Variants in PDSS2 observed in about 807,000 individuals in gnomAD.
PDSS2 encodes all trans-polyprenyl-diphosphate synthase PDSS2.
In PDSS2, 31 loss-of-function variants were observed where a neutral mutation model predicts 44.5. The ratio of observed to expected loss-of-function variants is 0.70; its 90% CI spans 0.52 to 0.94. The LOEUF is 0.94. Among genes scored for constraint, PDSS2 ranks in the 40% least tolerant of loss-of-function variants. The pLI is 0.00. For missense variants in PDSS2, 452 were observed against 482.2 expected (o/e 0.94, Z 0.59); for synonymous variants, 157 against 180.3 (o/e 0.87, Z 1.03).
At chr6:107,387,937 C>A (rs140104668) in intron 1 of PDSS2, among the ~76,000 whole-genome samples, 1,664 of 152,286 alleles carry the variant, frequency 0.011, 23 homozygotes, top group Non-Finnish European at 0.013. Flanking sequence ...AATAAATAAA[C>A]TCTCAAAGAG....
In PDSS2 at chr6:107,265,029, T is replaced by A. The variant is rs116594385; in HGVS notation, c.630+9000A>T. On this transcript the variant is annotated intron_variant, in intron 3 of 7. Transcript: ENST00000369037. ...GAAAACCCAAGCATTAATTTTTAAA[T>A]TCCCTCTTGAATTCAAAATCTTGTT... is the stretch of plus-strand genomic sequence containing the variant. Among the ~76,000 whole-genome samples, 378 of 152,360 alleles carry A rather than the reference T, an allele frequency of 2.5e-3. 3 individuals carry two copies. Among genetic ancestry groups the A allele is most frequent in the African/African-American group, 8.8e-3 (368 of 41,584 alleles).
At chr6:107,177,339 C>T (rs1376077555) in intron 7 of PDSS2, among the ~76,000 whole-genome samples, 1 of 152,068 alleles carries the variant, frequency 6.6e-6, no homozygotes, top group East Asian at 1.9e-4. Context: ...CCATGTTGGT[C>T]AGGCTGGTCT....
Position 107,170,614 on chromosome 6 carries a change from C to A in PDSS2, c.1042-15837G>T, listed in dbSNP as rs1392586198. 4.8e-3 allele frequency among the ~76,000 whole-genome samples: 468 copies of A among 96,504 alleles called. 3 individuals are homozygous for A. The highest frequency in any genetic ancestry group is 0.016 in the African/African-American group (441 of 27,686). 63.3% of individuals were successfully genotyped at this position (96,504 alleles called of 152,430 possible). A position where few individuals can be genotyped will look rare whatever the true frequency, so the allele number is the denominator to read the frequency against. ...TCGGCCATCTTGGAACCACCCCCCCCCCCCCACTTTTTTTTTTCTGAGACA... is the reference window on the plus strand; with the variant it reads ...TCGGCCATCTTGGAACCACCCCCCCACCCCCACTTTTTTTTTTCTGAGACA... On this transcript the variant is annotated intron_variant, in intron 7 of 7. Coordinates refer to ENST00000369037, the MANE Select transcript of PDSS2 (RefSeq NM_020381.4).
intron 2 of PDSS2, among the ~76,000 whole-genome samples, chr6:107,324,758 C>T (rs1777486066): frequency 1.3e-5 from 2 of 152,116 alleles, no homozygotes; most frequent in South Asian, 2.1e-4. Context: ...ATAATTGACC[C>T]TAAATAAATA....
chr6:107,154,257 C>A lies in PDSS2; in HGVS notation c.*362G>T, dbSNP rs1352265889. ...ACCTGCAGCTTCCAACTTGCTTTGT[C>A]CTCTCTAGCAGGAAAAACCACAGGC... is the stretch of plus-strand genomic sequence containing the variant. On this transcript the variant is annotated 3_prime_UTR_variant, in exon 8 of 8. Coordinates refer to ENST00000369037, the MANE Select transcript of PDSS2 (RefSeq NM_020381.4). 1 of 308,116 alleles carries A rather than the reference C, an allele frequency of 3.2e-6. No homozygotes were observed. Among genetic ancestry groups the A allele is most frequent in the Non-Finnish European group, 6.2e-6 (1 of 160,662 alleles). 19.1% of individuals were successfully genotyped at this position (308,116 alleles called of 1,614,324 possible).
chr6:107,320,616 AAAG>A (rs1777350933), intron 2 of PDSS2, among the ~76,000 whole-genome samples: 1 of 152,244 alleles, frequency 6.6e-6, no homozygotes. Context: ...CACAACATAT[AAAG>A]AATAAATGTG....
At chr6:107,374,146 C>T (rs1779209457) in intron 1 of PDSS2, among the ~76,000 whole-genome samples, 1 of 150,192 alleles carries the variant, frequency 6.7e-6, no homozygotes, top group South Asian at 2.1e-4. Flanking sequence ...CCCAGCTGCT[C>T]AGGAGGCTGA....
At chr6:107,315,433 C>T (rs748927359) in intron 2 of PDSS2, among the ~76,000 whole-genome samples, 2 of 152,136 alleles carry the variant, frequency 1.3e-5, no homozygotes, top group Non-Finnish European at 2.9e-5. Context: ...TATCAAAATT[C>T]ATTACAGTTA....
intron 1 of PDSS2, among the ~76,000 whole-genome samples, chr6:107,398,687 G>A (rs1015186477): frequency 1.3e-5 from 2 of 152,192 alleles, no homozygotes; most frequent in African/African-American, 4.8e-5. Context: ...AGAAAAATAA[G>A]TCTGCGAATT....
chr6:107,257,647 A>C (rs1420294658), intron 3 of PDSS2, among the ~76,000 whole-genome samples: 1 of 152,022 alleles, frequency 6.6e-6, no homozygotes, highest in Non-Finnish European at 1.5e-5. Flanking sequence ...CCCCTGAGAC[A>C]GGATCTCTAT....
At chr6:107,239,634 CTTTTTTTTTT>C (rs1177940710) in intron 4 of PDSS2, among the ~76,000 whole-genome samples, 2 of 76,926 alleles carry the variant, frequency 2.6e-5, no homozygotes, top group Non-Finnish European at 4.6e-5. Flanking sequence ...TGTACTCTAC[CTTTTTTTTTT>C]TTTTTTTTTT....
intron 1 of PDSS2, among the ~76,000 whole-genome samples, chr6:107,378,996 A>G (rs1394453404): frequency 6.6e-6 from 1 of 152,022 alleles, no homozygotes; most frequent in African/African-American, 2.4e-5. Context: ...CCGTAAAGTT[A>G]CTCCCCAACC....
intron 2 of PDSS2, among the ~76,000 whole-genome samples, chr6:107,323,266 T>C (rs889449741): frequency 6.6e-5 from 10 of 152,214 alleles, no homozygotes; most frequent in African/African-American, 2.2e-4. Context: ...GATGCATACA[T>C]TGTTTCCTTA....
intron 7 of PDSS2, among the ~76,000 whole-genome samples, chr6:107,155,877 C>CTTTTTTTTTT (rs60840656): frequency 1.9e-5 from 1 of 51,634 alleles, no homozygotes; most frequent in African/African-American, 7.9e-5. Flanking sequence ...CTTGCCCGGC[C>CTTTTTTTTTT]TTTTTTTTTT....
chr6:107,232,372 T>C (rs1032104974), intron 4 of PDSS2, among the ~76,000 whole-genome samples: 1 of 152,198 alleles, frequency 6.6e-6, no homozygotes, highest in Non-Finnish European at 1.5e-5. Flanking sequence ...GTGGGCCTTC[T>C]TTCTATTCCT....
intron 2 of PDSS2, among the ~76,000 whole-genome samples, chr6:107,330,274 T>C (rs1054738122): frequency 6.6e-6 from 1 of 152,154 alleles, no homozygotes; most frequent in African/African-American, 2.4e-5. Flanking sequence ...ACTCCTACTC[T>C]ATTGGCTAGA....
intron 7 of PDSS2, among the ~76,000 whole-genome samples, chr6:107,161,547 T>A (rs1219933164): frequency 2.6e-5 from 4 of 152,156 alleles, no homozygotes; most frequent in Non-Finnish European, 4.4e-5. Context: ...TAAATTATTT[T>A]CAAAGTACAG....
At chr6:107,157,677 T>C (rs1554245903) in intron 7 of PDSS2, among the ~76,000 whole-genome samples, 1 of 151,556 alleles carries the variant, frequency 6.6e-6, no homozygotes, top group Non-Finnish European at 1.5e-5. Context: ...TTAGCGTTTT[T>C]GTTTTTTTTT....
At chr6:107,178,325 C>T (rs1771863704) in intron 7 of PDSS2, among the ~76,000 whole-genome samples, 1 of 152,100 alleles carries the variant, frequency 6.6e-6, no homozygotes, top group South Asian at 2.1e-4. Context: ...TTACTCTGTG[C>T]CATGTAAGTG....
Sources: gnomAD v4.1 joint callset for allele counts (sites outside exome capture counted in the v4.1 genomes callset) on GRCh38, gnomAD v4.1.1 for gene constraint, MANE v1.5 for transcripts, NCBI Gene and HGNC (gene_info 2026-07-23, HGNC 2026-07-21) for gene names.